The following SGCD variants were observed in gnomAD, a reference collection of about 807,000 sequenced individuals.
SGCD encodes delta-sarcoglycan.
SGCD carries 18 observed loss-of-function variants against 36.6 expected under a neutral mutation model. That is an observed-to-expected ratio of 0.49 (90% confidence interval 0.34 to 0.73). The LOEUF is 0.73. Among genes scored for constraint, SGCD ranks in the 30% least tolerant of loss-of-function variants. The probability of loss-of-function intolerance (pLI) is 0.01; values close to 1 mark genes in which losing one functional copy is unlikely to be tolerated. For synonymous variants in SGCD, 133 were observed against 130.6 expected (o/e 1.02, Z -0.12); for missense variants, 387 against 346.7 (o/e 1.12, Z -0.92).
intron 1 of SGCD, among the ~76,000 whole-genome samples, chr5:155,993,044 C>T (rs183407686): frequency 1.3e-4 from 20 of 152,222 alleles, no homozygotes; most frequent in Non-Finnish European, 2.1e-4. Flanking sequence ...AGAGATAGCT[C>T]CTACACCCAA....
chr5:155,728,609 G>A, the SGCD span, among the ~76,000 whole-genome samples: 1 of 152,166 alleles, frequency 6.6e-6, no homozygotes, highest in Non-Finnish European at 1.5e-5. Context: ...GGCGGCGGCC[G>A]GCGGAGGCTT....
At chr5:155,866,377 T>C (rs1378488512), upstream of SGCD, among the ~76,000 whole-genome samples, 1 of 152,154 alleles carries the variant, frequency 6.6e-6, no homozygotes, top group Non-Finnish European at 1.5e-5. Flanking sequence ...TCAATGCAAA[T>C]GCCAAGACAG....
intron 6 of SGCD, among the ~76,000 whole-genome samples, chr5:156,625,618 A>AC (rs1239027150): frequency 6.6e-6 from 1 of 152,196 alleles, no homozygotes; most frequent in Non-Finnish European, 1.5e-5. Context: ...GTGATCACAA[A>AC]CCCACTGAAT....
At chr5:156,202,753 CT>C (rs11324693) in intron 3 of SGCD, among the ~76,000 whole-genome samples, 56,662 of 112,198 alleles carry the variant, frequency 0.51, 11,725 homozygotes, top group East Asian at 0.57. Flanking sequence ...GCAGAGGTTC[CT>C]TTTTTTTTTT....
intron 1 of SGCD, among the ~76,000 whole-genome samples, chr5:156,082,970 T>A (rs529587668): frequency 1.3e-5 from 2 of 152,240 alleles, no homozygotes; most frequent in South Asian, 4.1e-4. Flanking sequence ...CTGAAAGGTA[T>A]GTAGTGGTAT....
intron 1 of SGCD, among the ~76,000 whole-genome samples, chr5:155,909,750 C>A (rs1377803299): frequency 6.6e-6 from 1 of 152,216 alleles, no homozygotes; most frequent in African/African-American, 2.4e-5. Flanking sequence ...TAGACTTTAG[C>A]TGAATATATT....
At chr5:155,991,883 C>G (rs534386312) in intron 1 of SGCD, among the ~76,000 whole-genome samples, 1 of 152,154 alleles carries the variant, frequency 6.6e-6, no homozygotes, top group Non-Finnish European at 1.5e-5. Context: ...CATTGTATTT[C>G]AAACTTGCCA....
At chr5:156,606,113 C>A (rs1761436756) in intron 6 of SGCD, among the ~76,000 whole-genome samples, 1 of 152,266 alleles carries the variant, frequency 6.6e-6, no homozygotes, top group Admixed American at 6.5e-5. Context: ...GACATGAAGT[C>A]CTTGCCCATG....
At chr5:156,359,051 T>C (rs749515211) in intron 3 of SGCD, among the ~76,000 whole-genome samples, 1 of 152,178 alleles carries the variant, frequency 6.6e-6, no homozygotes, top group Non-Finnish European at 1.5e-5. Context: ...GAATCATAAA[T>C]AGAAATAGGG....
chr5:156,133,766 T>A (rs1490033216), intron 3 of SGCD, among the ~76,000 whole-genome samples: 1 of 152,184 alleles, frequency 6.6e-6, no homozygotes, highest in Admixed American at 6.5e-5. Context: ...GAAAAAAAGA[T>A]CTGTGTTTTT....
chr5:156,570,116 C>T (rs1399556343), intron 4 of SGCD, among the ~76,000 whole-genome samples: 1 of 152,092 alleles, frequency 6.6e-6, no homozygotes, highest in Non-Finnish European at 1.5e-5. Flanking sequence ...TGGACTAAAA[C>T]AGCTATGTTT....
At chr5:155,990,784 T>C (rs1758415072) in intron 1 of SGCD, among the ~76,000 whole-genome samples, 2 of 152,244 alleles carry the variant, frequency 1.3e-5, no homozygotes, top group South Asian at 2.1e-4. Flanking sequence ...ATATTTTTAC[T>C]ATTTCCATTT....
chr5:156,017,585 C>T (rs1759011816), intron 1 of SGCD, among the ~76,000 whole-genome samples: 1 of 151,724 alleles, frequency 6.6e-6, no homozygotes, highest in South Asian at 2.1e-4. Flanking sequence ...AGACTTTATC[C>T]ATTAACTTTT....
At chr5:156,403,766 T>C (rs1351655610) in intron 3 of SGCD, among the ~76,000 whole-genome samples, 1 of 152,192 alleles carries the variant, frequency 6.6e-6, no homozygotes, top group East Asian at 1.9e-4. Context: ...TGGAGGGTTT[T>C]TTTTCTTTAG....
intron 2 of SGCD, among the ~76,000 whole-genome samples, chr5:156,122,511 C>G (rs1300027796): frequency 6.6e-6 from 1 of 151,700 alleles, no homozygotes; most frequent in Non-Finnish European, 1.5e-5. Context: ...GAAAAGTTTC[C>G]CAGGTAGAGG....
intron 3 of SGCD, among the ~76,000 whole-genome samples, chr5:156,347,285 AATTGCC>A (rs1769001235): frequency 6.6e-6 from 1 of 152,206 alleles, no homozygotes; most frequent in Non-Finnish European, 1.5e-5. Flanking sequence ...CAGTGACCAC[AATTGCC>A]ATCTGTCGAT....
intron 3 of SGCD, among the ~76,000 whole-genome samples, chr5:156,368,030 C>A (rs1770194678): frequency 6.6e-6 from 1 of 151,956 alleles, no homozygotes; most frequent in Non-Finnish European, 1.5e-5. Context: ...CTTTACCCTT[C>A]CAAAAACTGG....
chr5:155,815,341 A>G, the SGCD span, among the ~76,000 whole-genome samples: 1 of 152,212 alleles, frequency 6.6e-6, no homozygotes, highest in Non-Finnish European at 1.5e-5. Flanking sequence ...TTAAAATCCA[A>G]AAGATCTCTG....
At chr5:156,546,608 G>GA (rs11297942) in intron 4 of SGCD, among the ~76,000 whole-genome samples, 95 of 150,206 alleles carry the variant, frequency 6.3e-4, no homozygotes, top group Admixed American at 2.0e-3. Context: ...GCTATAGAAG[G>GA]AAAAAAAAAA....
Sources: allele counts gnomAD v4.1 joint callset (sites outside exome capture counted in the v4.1 genomes callset), GRCh38; gene constraint gnomAD v4.1.1; transcripts MANE v1.5; gene names NCBI Gene and HGNC (gene_info 2026-07-23, HGNC 2026-07-21).